The following ADGRL3 variants were observed in gnomAD, a reference collection of about 807,000 sequenced individuals.
The protein encoded by ADGRL3 is adhesion G protein-coupled receptor L3.
ADGRL3 carries 62 observed loss-of-function variants against 153.5 expected under a neutral mutation model. The ratio of observed to expected loss-of-function variants is 0.40; its 90% confidence interval spans 0.33 to 0.50. ADGRL3 has a LOEUF of 0.50. Among genes scored for constraint, ADGRL3 ranks in the 20% least tolerant of loss-of-function variants. ADGRL3 has a pLI of 0.47. For synonymous variants in ADGRL3, 710 were observed against 672.5 expected (o/e 1.06, Z -0.86); for missense variants, 1,641 against 1,859.4 (o/e 0.88, Z 2.16).
intron 5 of ADGRL3, among the ~76,000 whole-genome samples, chr4:61,619,997 A>G (rs1440385257): frequency 6.6e-6 from 1 of 152,048 alleles, no homozygotes; most frequent in Admixed American, 6.5e-5. Context: ...AGTGAGTAAA[A>G]TCACGAATGA....
chr4:61,471,093 A>G (rs2097946803), intron 2 of ADGRL3, among the ~76,000 whole-genome samples: 1 of 151,754 alleles, frequency 6.6e-6, no homozygotes, highest in South Asian at 2.1e-4. Flanking sequence ...TGTCCTTTTT[A>G]CTGCTTGAAT....
At chr4:61,726,199 C>CTTTT (rs1012113549) in intron 6 of ADGRL3, among the ~76,000 whole-genome samples, 1 of 82,940 alleles carries the variant, frequency 1.2e-5, no homozygotes, top group African/African-American at 4.5e-5. Context: ...CTCACTGGAA[C>CTTTT]TTTTTTTTTT....
At chr4:62,002,565 A>G (rs1192710347) in intron 21 of ADGRL3, among the ~76,000 whole-genome samples, 1 of 152,006 alleles carries the variant, frequency 6.6e-6, no homozygotes, top group Non-Finnish European at 1.5e-5. Flanking sequence ...AGAAAAAATA[A>G]TAAAAAATAG....
At chr4:61,887,609 G>A (rs1445657721) in intron 9 of ADGRL3, among the ~76,000 whole-genome samples, 2 of 152,158 alleles carry the variant, frequency 1.3e-5, no homozygotes, top group Admixed American at 1.3e-4. Flanking sequence ...CACTTTGGGA[G>A]GCCGAAGAGG....
intron 19 of ADGRL3, among the ~76,000 whole-genome samples, chr4:61,987,612 A>G (rs1389116891): frequency 6.6e-6 from 1 of 152,188 alleles, no homozygotes; most frequent in Non-Finnish European, 1.5e-5. Context: ...TTTAAATATG[A>G]AAATGTATAG....
At chr4:61,218,918 A>G (rs182919696) in intron 1 of ADGRL3, among the ~76,000 whole-genome samples, 6 of 149,770 alleles carry the variant, frequency 4.0e-5, no homozygotes, top group African/African-American at 1.2e-4. Flanking sequence ...ATGGGAAGCC[A>G]TGAAAGGTTT....
At chr4:62,009,535 A>G (rs929287454) in intron 21 of ADGRL3, among the ~76,000 whole-genome samples, 1 of 152,166 alleles carries the variant, frequency 6.6e-6, no homozygotes, top group Non-Finnish European at 1.5e-5. Flanking sequence ...GAGAAAAAAG[A>G]GACTAAATAG....
intron 5 of ADGRL3, among the ~76,000 whole-genome samples, chr4:61,663,562 T>C (rs557464649): frequency 4.1e-4 from 62 of 152,252 alleles, no homozygotes; most frequent in African/African-American, 1.5e-3. Context: ...AGGTGTGGGA[T>C]CTAGGCCAGT....
rs112216015 is a variant in ADGRL3 at position 61,520,730 on chromosome 4, G to A, written c.259+3212G>A. ...AGGGGGAGTACTAAATGCAGGAATA[G>A]TGTTTTAAGAATGTGTCATAGTATG... On this transcript the variant is annotated intron_variant, in intron 4 of 26. Transcript: ENST00000683033. 7.3e-4 allele frequency among the ~76,000 whole-genome samples: 110 copies of A among 149,716 alleles called. 1 individual carries two copies. The highest frequency in any genetic ancestry group is 2.6e-3 in the African/African-American group (105 of 40,854).
chr4:61,847,750 T>A (rs1230163122), intron 9 of ADGRL3, among the ~76,000 whole-genome samples: 1 of 36,416 alleles, frequency 2.7e-5, no homozygotes, highest in South Asian at 6.5e-4. Flanking sequence ...CAAAATATAT[T>A]ATATATAATA....
intron 24 of ADGRL3, among the ~76,000 whole-genome samples, chr4:62,042,804 A>G (rs1028868581): frequency 6.6e-6 from 1 of 152,124 alleles, no homozygotes; most frequent in African/African-American, 2.4e-5. Context: ...TATACAAAAC[A>G]TAAGTGTATG....
In ADGRL3 at chr4:61,631,771, TTTC is replaced by T. The variant is rs545865073; in HGVS notation, c.473+44334_473+44336del. Among the ~76,000 whole-genome samples, 34 of 152,160 alleles carry T rather than the reference TTTC, an allele frequency of 2.2e-4. No homozygotes were observed. The East Asian group carries it at 4.8e-3, about 22-fold the overall frequency. ...AAAATAAGCTAAATTTAATTTTTTT[TTTC>T]TTTTCTTTTTTTTCTTTTCTTTTTT... is the stretch of plus-strand genomic sequence containing the variant. On this transcript the variant is annotated intron_variant, in intron 5 of 26. Transcript: ENST00000683033.
At chr4:62,044,820 G>A (rs1271245832) in intron 25 of ADGRL3, among the ~76,000 whole-genome samples, 1 of 152,026 alleles carries the variant, frequency 6.6e-6, no homozygotes, top group African/African-American at 2.4e-5. Context: ...CTGGAGAGCT[G>A]TCAGGCCTCA....
intron 2 of ADGRL3, among the ~76,000 whole-genome samples, chr4:61,473,789 T>C (rs1242854669): frequency 6.6e-6 from 1 of 152,118 alleles, no homozygotes; most frequent in Non-Finnish European, 1.5e-5. Context: ...ATCTTAATCA[T>C]TGGTTTGTTT....
At chr4:61,285,242 T>G (rs908335288) in intron 1 of ADGRL3, among the ~76,000 whole-genome samples, 1 of 151,866 alleles carries the variant, frequency 6.6e-6, no homozygotes, top group Admixed American at 6.6e-5. Context: ...CTTTAACAAA[T>G]TAAATTATAG....
chr4:61,646,602 C>A (rs2093998800), intron 5 of ADGRL3, among the ~76,000 whole-genome samples: 1 of 151,844 alleles, frequency 6.6e-6, no homozygotes, highest in East Asian at 1.9e-4. Flanking sequence ...GGTCAGGGGT[C>A]AGGGACCCAC....
At chr4:62,042,389 A>G (rs1014529883) in intron 24 of ADGRL3, among the ~76,000 whole-genome samples, 5 of 151,734 alleles carry the variant, frequency 3.3e-5, no homozygotes, top group African/African-American at 1.2e-4. Context: ...CTACAGTTCT[A>G]AGTAGGGTGT....
intron 2 of ADGRL3, among the ~76,000 whole-genome samples, chr4:61,408,560 T>G (rs1483950288): frequency 6.6e-6 from 1 of 152,130 alleles, no homozygotes; most frequent in African/African-American, 2.4e-5. Flanking sequence ...TATGAAGAAC[T>G]GGCTGGACTG....
At chr4:61,227,027 A>G (rs372106535) in intron 1 of ADGRL3, among the ~76,000 whole-genome samples, 16 of 3,684 alleles carry the variant, frequency 4.3e-3, no homozygotes, top group African/African-American at 0.011. Context: ...TAAGCTTTAT[A>G]TCTAAATGAA....
Sources: gnomAD v4.1 joint callset for allele counts (sites outside exome capture counted in the v4.1 genomes callset) on GRCh38, gnomAD v4.1.1 for gene constraint, MANE v1.5 for transcripts, NCBI Gene and HGNC (gene_info 2026-07-23, HGNC 2026-07-21) for gene names.